AZI2: variants seen among roughly 807,000 people sequenced by gnomAD.
The protein encoded by AZI2 is 5-azacytidine induced 2.
AZI2 carries 22 observed loss-of-function variants against 45.8 expected under a neutral mutation model. The observed-to-expected ratio is 0.48, with a 90% confidence interval of 0.34 to 0.69. The LOEUF (loss-of-function observed/expected upper bound fraction) is 0.69. Ranked by LOEUF, AZI2 falls within the 30% of genes least tolerant of loss-of-function variation. The probability of loss-of-function intolerance (pLI) is 0.01; values close to 1 mark genes in which losing one functional copy is unlikely to be tolerated. For missense variants in AZI2, 417 were observed against 441.5 expected (o/e 0.94, Z 0.50); for synonymous variants, 137 against 156.7 (o/e 0.87, Z 0.94).
chr3:28,324,546 G>T, intron 7 of AZI2, 92 bp from the exon 8 acceptor site: 1 of 1,169,646 alleles, frequency 8.5e-7, no homozygotes, highest in Non-Finnish European at 1.1e-6. Context: ...TCTAGAACTG[G>T]TGATGAAATT....
chr3:28,325,362 C>T (rs550186618), intron 7 of AZI2, among the ~76,000 whole-genome samples: 2 of 150,922 alleles, frequency 1.3e-5, no homozygotes, highest in Non-Finnish European at 3.0e-5. Context: ...ACAGATTGAA[C>T]GACATTATAA....
In AZI2 at chr3:28,322,014, A is replaced by T. The variant is rs1703202416; in HGVS notation, c.*2028T>A. On this transcript the variant is annotated 3_prime_UTR_variant, in exon 8 of 8. Coordinates refer to ENST00000479665, the MANE Select transcript of AZI2 (RefSeq NM_022461.5). ...ATATTCAATTTTAAATAGATTCATA[A>T]GCTACAGATGGGCCACTGTTTTTTG... 6.6e-6 allele frequency: 1 copy of T among 151,350 alleles called. No individual in the cohort carries two copies. Among genetic ancestry groups the T allele is most frequent in the South Asian group, 2.1e-4 (1 of 4,834 alleles). 9.4% of individuals were successfully genotyped at this position (151,350 alleles called of 1,614,324 possible).
intron 6 of AZI2, among the ~76,000 whole-genome samples, chr3:28,327,232 T>G (rs1295012573): frequency 2.0e-5 from 3 of 151,138 alleles, no homozygotes; most frequent in African/African-American, 7.3e-5. Flanking sequence ...GTCTCAGAAC[T>G]GAGATTTCAT....
intron 7 of AZI2, chr3:28,325,116 T>C (rs1703336604): frequency 7.7e-6 from 1 of 129,854 alleles, no homozygotes; most frequent in Non-Finnish European, 1.6e-5. Flanking sequence ...GGTCACAATG[T>C]AGGTAAAGTA....
intron 6 of AZI2, among the ~76,000 whole-genome samples, chr3:28,328,332 T>G (rs1703456191): frequency 6.6e-6 from 1 of 151,136 alleles, no homozygotes; most frequent in Non-Finnish European, 1.5e-5. Context: ...ATTCTAGGCA[T>G]TCAGTATGCT....
rs1703199010 is a variant in AZI2 at position 28,321,878 on chromosome 3, T to C, written c.*2164A>G. 1 of 151,386 alleles carries C rather than the reference T, an allele frequency of 6.6e-6. No individual in the cohort carries two copies. Among genetic ancestry groups the C allele is most frequent in the African/African-American group, 2.4e-5 (1 of 41,368 alleles). The allele number at this position is 151,386 out of a possible 1,614,324, so 9.4% of individuals were successfully genotyped here. A position where few individuals can be genotyped will look rare whatever the true frequency, so the allele number is the denominator to read the frequency against. On this transcript the variant is annotated 3_prime_UTR_variant, in exon 8 of 8. Transcript: ENST00000479665. ...GTGGCTTTTTGTTATGTTTTCTTCA[T>C]TCTGTCGATTTATGGATGTACTGAA...
intron 1 of AZI2, among the ~76,000 whole-genome samples, chr3:28,345,526 T>A (rs996796364): frequency 7.2e-5 from 11 of 152,014 alleles, no homozygotes; most frequent in African/African-American, 2.7e-4. Flanking sequence ...AAAAAGCGAA[T>A]TAGAAAAGAT....
At chr3:28,331,782 CAG>C in intron 6 of AZI2, 1 of 1,511,024 alleles carries the variant, frequency 6.6e-7, no homozygotes. Context: ...GCTTAAAACA[CAG>C]AATTGAAGTT....
chr3:28,335,473 A>C, intron 5 of AZI2, among the ~76,000 whole-genome samples: 2 of 152,044 alleles, frequency 1.3e-5, no homozygotes, highest in Admixed American at 1.3e-4. Context: ...AAGCTGGGGG[A>C]ATCAACTTTG....
At chr3:28,347,798 T>C (rs766806608) in intron 1 of AZI2, among the ~76,000 whole-genome samples, 1 of 152,182 alleles carries the variant, frequency 6.6e-6, no homozygotes, top group Non-Finnish European at 1.5e-5. Context: ...GATCACAAGA[T>C]TGGGCAATGA....
Position 28,337,937 on chromosome 3 carries a change from C to A in AZI2, c.439G>T (p.Val147Leu). 1 of 1,535,554 alleles carries A rather than the reference C, an allele frequency of 6.5e-7. No individual in the cohort carries two copies. The highest frequency in any genetic ancestry group is 1.3e-5 in the South Asian group (1 of 78,562). Reference sequence around the variant, plus strand: ...TATTTATAACAAGTAACTGGCATACCCTGCTGAGTTTCCACCTCTGTCCTC... The same window carrying A: ...TATTTATAACAAGTAACTGGCATACACTGCTGAGTTTCCACCTCTGTCCTC... ...QLRTEVETQQ[V>L]MRNLNPPSSN... is the part of the protein sequence containing the mutation. The change falls in exon 4 of 8, where the codon GTG becomes TTG. Residue 147 changes from valine (V) to leucine (L), a missense_variant and splice_region_variant. Coordinates refer to ENST00000479665, the MANE Select transcript of AZI2 (RefSeq NM_022461.5).
At chr3:28,325,864 T>G (rs1703367626) in intron 7 of AZI2, among the ~76,000 whole-genome samples, 1 of 150,952 alleles carries the variant, frequency 6.6e-6, no homozygotes, top group Non-Finnish European at 1.5e-5. Flanking sequence ...CACCATACTA[T>G]TTTCCCTGAT....
intron 5 of AZI2, among the ~76,000 whole-genome samples, chr3:28,335,183 TG>T (rs1703740594): frequency 6.6e-6 from 1 of 152,044 alleles, no homozygotes; most frequent in Non-Finnish European, 1.5e-5. Context: ...GTGTTCCTAA[TG>T]TTAACAGTTA....
At chr3:28,348,367 AAGGGCCTGG>A (rs1704352450) in intron 1 of AZI2, 1 of 152,240 alleles carries the variant, frequency 6.6e-6, no homozygotes, top group Admixed American at 6.5e-5. Flanking sequence ...AATGACCAAG[AAGGGCCTGG>A]ACAGCTGGGG....
rs573966338 is a variant in AZI2 at position 28,334,294 on chromosome 3, A to G, written c.589-1867T>C. Among the ~76,000 whole-genome samples, 20 of 152,022 alleles carry G rather than the reference A, an allele frequency of 1.3e-4. 1 individual carries two copies. In the South Asian group the frequency reaches 3.3e-3, roughly 25 times the overall value. On this transcript the variant is annotated intron_variant, in intron 5 of 7. Transcript: ENST00000479665. ...TAATGTGAGCTAGAGTAATATGGCT[A>G]GAGTATTGTGAACATAAATTTCTCT... is the stretch of plus-strand genomic sequence containing the variant.
At chr3:28,345,164 CA>C (rs1341706556) in intron 1 of AZI2, among the ~76,000 whole-genome samples, 1 of 152,070 alleles carries the variant, frequency 6.6e-6, no homozygotes, top group Non-Finnish European at 1.5e-5. Flanking sequence ...TGAAAAACTG[CA>C]AAGTGCACTC....
intron 6 of AZI2, among the ~76,000 whole-genome samples, chr3:28,328,235 AAAAAACATC>A (rs1465280912): frequency 6.6e-6 from 1 of 151,084 alleles, no homozygotes; most frequent in Non-Finnish European, 1.5e-5. Flanking sequence ...CTACTTCACC[AAAAAACATC>A]TGAGTTGTTT....
At chr3:28,329,868 T>A (rs1161346650) in intron 6 of AZI2, among the ~76,000 whole-genome samples, 2 of 151,310 alleles carry the variant, frequency 1.3e-5, no homozygotes, top group Non-Finnish European at 3.0e-5. Context: ...GAAACCATAC[T>A]TACCCTTATT....
chr3:28,346,878 A>G (rs1231048737), intron 1 of AZI2, among the ~76,000 whole-genome samples: 1 of 152,186 alleles, frequency 6.6e-6, no homozygotes, highest in African/African-American at 2.4e-5. Flanking sequence ...AATTCAATAA[A>G]TGTCCAAAAA....
Sources: allele counts gnomAD v4.1 joint callset (sites outside exome capture counted in the v4.1 genomes callset), GRCh38; gene constraint gnomAD v4.1.1; transcripts MANE v1.5; gene names NCBI Gene and HGNC (gene_info 2026-07-23, HGNC 2026-07-21).